The following PPFIA2 variants were observed in gnomAD, a reference collection of about 807,000 sequenced individuals.
PPFIA2 encodes liprin-alpha-2.
A neutral mutation model predicts 175.5 loss-of-function variants in PPFIA2; 46 were observed. The ratio of observed to expected loss-of-function variants is 0.26; its 90% CI spans 0.21 to 0.34. PPFIA2 has a LOEUF of 0.34. PPFIA2 is among the 10% of genes least tolerant of loss of function. The pLI, the probability that PPFIA2 is intolerant of heterozygous loss-of-function variation, is 1.00. For missense variants in PPFIA2, 1,179 were observed against 1,506.1 expected, an observed-to-expected ratio of 0.78 and a Z score of 3.60; for synonymous variants, 568 against 511.4, an observed-to-expected ratio of 1.11 and a Z score of -1.49.
In PPFIA2 at chr12:81,700,793, T is replaced by C. The variant is rs540741465; in HGVS notation, c.250-23949A>G. The stretch of plus-strand genomic sequence containing the variant: ...CAAAATAACTAACATCGGTTGGATA[T>C]ACATATTGATTAGTTGGATATAAAT... On this transcript the variant is annotated intron_variant, in intron 3 of 32. Transcript: ENST00000549396. 4.6e-5 allele frequency among the ~76,000 whole-genome samples: 7 copies of C among 152,230 alleles called. No individual in the cohort carries two copies. In the East Asian group the frequency reaches 5.8e-4, roughly 13 times the overall value.
At chr12:81,298,881 A>G (rs940402238) in intron 23 of PPFIA2, among the ~76,000 whole-genome samples, 4 of 152,196 alleles carry the variant, frequency 2.6e-5, no homozygotes, top group African/African-American at 4.8e-5. Flanking sequence ...GAACTAAATT[A>G]CAGGCAAAGG....
intron 4 of PPFIA2, among the ~76,000 whole-genome samples, chr12:81,554,236 A>G (rs1477708119): frequency 2.0e-5 from 3 of 152,054 alleles, no homozygotes; most frequent in Non-Finnish European, 4.4e-5. Flanking sequence ...GTAGGACTTG[A>G]TCAGTTGTAT....
intron 22 of PPFIA2, among the ~76,000 whole-genome samples, chr12:81,305,317 T>G (rs895398278): frequency 2.0e-5 from 3 of 152,164 alleles, no homozygotes; most frequent in African/African-American, 7.2e-5. Flanking sequence ...AGCAATTCAT[T>G]GTGTGTGCTA....
At chr12:81,640,798 GTTAT>G (rs1429252484) in intron 4 of PPFIA2, among the ~76,000 whole-genome samples, 1 of 151,910 alleles carries the variant, frequency 6.6e-6, no homozygotes, top group Non-Finnish European at 1.5e-5. Context: ...TAAGTACATA[GTTAT>G]TTATTTTGCT....
chr12:81,473,275 T>TG (rs1339084869), intron 4 of PPFIA2, among the ~76,000 whole-genome samples: 2 of 151,900 alleles, frequency 1.3e-5, no homozygotes, highest in African/African-American at 4.8e-5. Context: ...GGGCATGATG[T>TG]GGGGGCGCCT....
chr12:81,627,851 C>T (rs767617685), intron 4 of PPFIA2, among the ~76,000 whole-genome samples: 4 of 151,778 alleles, frequency 2.6e-5, no homozygotes, highest in Non-Finnish European at 4.4e-5. Flanking sequence ...GTAAATGCTT[C>T]GAGGGTTTGT....
chr12:81,450,587 C>G (rs1157193104), intron 5 of PPFIA2, among the ~76,000 whole-genome samples: 3 of 152,046 alleles, frequency 2.0e-5, no homozygotes, highest in South Asian at 2.1e-4. Flanking sequence ...CATTCTGTAG[C>G]TTGCCTGTTC....
intron 4 of PPFIA2, among the ~76,000 whole-genome samples, chr12:81,661,944 T>G (rs2068962546): frequency 6.6e-6 from 1 of 152,196 alleles, no homozygotes; most frequent in Non-Finnish European, 1.5e-5. Flanking sequence ...TGCTCCTGAA[T>G]GACTACTGGG....
chr12:81,519,968 C>T (rs930299882), intron 4 of PPFIA2, among the ~76,000 whole-genome samples: 1 of 152,146 alleles, frequency 6.6e-6, no homozygotes. Flanking sequence ...ACAATTATAA[C>T]AACATACTCT....
intron 30 of PPFIA2, among the ~76,000 whole-genome samples, chr12:81,265,680 G>A (rs1565797730): frequency 6.6e-6 from 1 of 152,156 alleles, no homozygotes; most frequent in South Asian, 2.1e-4. Flanking sequence ...AAAAGCAGCA[G>A]CATAGTTTAA....
chr12:81,748,552 C>T (rs1309822552), intron 3 of PPFIA2, among the ~76,000 whole-genome samples: 2 of 144,444 alleles, frequency 1.4e-5, no homozygotes, highest in Non-Finnish European at 3.1e-5. Context: ...AGGTGAATGG[C>T]CCCAGTTGGC....
chr12:81,495,317 C>A (rs2059915711), intron 4 of PPFIA2, among the ~76,000 whole-genome samples: 1 of 151,940 alleles, frequency 6.6e-6, no homozygotes, highest in Admixed American at 6.6e-5. Flanking sequence ...AACATTTTTG[C>A]TATTCTACCC....
intron 32 of PPFIA2, chr12:81,261,312 G>T (rs1022558747): frequency 6.6e-5 from 10 of 152,118 alleles, no homozygotes; most frequent in African/African-American, 2.4e-4. Context: ...TGCCTCCCAG[G>T]TTCAAGTGAC....
chr12:81,318,724 T>C (rs1162236004), intron 22 of PPFIA2, among the ~76,000 whole-genome samples: 1 of 151,746 alleles, frequency 6.6e-6, no homozygotes, highest in Non-Finnish European at 1.5e-5. Context: ...GCTGGGAGAA[T>C]GTCTTGTAAA....
chr12:81,644,582 C>T (rs1441520870), intron 4 of PPFIA2, among the ~76,000 whole-genome samples: 2 of 145,296 alleles, frequency 1.4e-5, no homozygotes, highest in East Asian at 1.9e-4. Context: ...TTAGTTTTTT[C>T]TTCAGAAGTA....
intron 4 of PPFIA2, 132 bp downstream of exon 4, chr12:81,676,659 T>C: frequency 1.9e-6 from 1 of 523,020 alleles, no homozygotes; most frequent in Non-Finnish European, 3.1e-6. Flanking sequence ...CTTCTGTTAT[T>C]AGTTTCTATA....
intron 8 of PPFIA2, among the ~76,000 whole-genome samples, chr12:81,392,986 G>T (rs527529352): frequency 3.0e-4 from 45 of 152,042 alleles, no homozygotes; most frequent in Non-Finnish European, 1.5e-5. Context: ...TGTCACCCTT[G>T]TCTGGGTCAT....
At chr12:81,606,680 T>G (rs2060358065) in intron 4 of PPFIA2, among the ~76,000 whole-genome samples, 1 of 152,050 alleles carries the variant, frequency 6.6e-6, no homozygotes, top group Non-Finnish European at 1.5e-5. Context: ...TTTTGCTTGT[T>G]GATTTAAGTT....
chr12:81,601,808 T>C (rs775824302), intron 4 of PPFIA2, among the ~76,000 whole-genome samples: 1 of 151,880 alleles, frequency 6.6e-6, no homozygotes, highest in Non-Finnish European at 1.5e-5. Flanking sequence ...AAAATTTAAA[T>C]ATTTTAAGAG....
Sources: gnomAD v4.1 joint callset for allele counts (sites outside exome capture counted in the v4.1 genomes callset) on GRCh38, gnomAD v4.1.1 for gene constraint, MANE v1.5 for transcripts, NCBI Gene and HGNC (gene_info 2026-07-23, HGNC 2026-07-21) for gene names.